Variants in AUTS2 observed in about 807,000 individuals in gnomAD.
AUTS2 encodes the protein activator of transcription and developmental regulator AUTS2.
A neutral mutation model predicts 112.4 loss-of-function variants in AUTS2; 17 were observed. The ratio of observed to expected loss-of-function variants is 0.15; its 90% CI spans 0.10 to 0.23. The LOEUF (loss-of-function observed/expected upper bound fraction) is 0.23, where lower values mean the gene tolerates loss of function less well. Ranked by LOEUF, AUTS2 falls within the 10% of genes least tolerant of loss-of-function variation. The pLI is 1.00. For synonymous variants in AUTS2, 751 were observed against 702.7 expected (o/e 1.07, Z -1.09); for missense variants, 1,510 against 1,701.6 (o/e 0.89, Z 1.98).
chr7:70,245,263 C>T (rs1010949988), intron 4 of AUTS2, among the ~76,000 whole-genome samples: 1 of 151,160 alleles, frequency 6.6e-6, no homozygotes, highest in African/African-American at 2.4e-5. Flanking sequence ...TAACTTTATT[C>T]ATGCAGGTAA....
intron 1 of AUTS2, among the ~76,000 whole-genome samples, chr7:69,800,391 A>T (rs1178865149): frequency 1.3e-5 from 2 of 152,184 alleles, no homozygotes; most frequent in African/African-American, 2.4e-5. Flanking sequence ...GGTAATACCT[A>T]TGATTATTTC....
At chr7:69,792,049 G>C (rs1211024575) in intron 1 of AUTS2, among the ~76,000 whole-genome samples, 2 of 152,026 alleles carry the variant, frequency 1.3e-5, no homozygotes, top group South Asian at 4.2e-4. Flanking sequence ...AGGGTGAGGG[G>C]TGTTCTTTAA....
At position 69,684,782 on chromosome 7, in the gene AUTS2, AGT is replaced by A. The variant is rs967093848; in HGVS notation, c.309+84825_309+84826del. On this transcript the variant is annotated intron_variant, in intron 1 of 18. Coordinates refer to ENST00000342771, the MANE Select transcript of AUTS2 (RefSeq NM_015570.4). Reference sequence around the variant, plus strand: ...TCTTAGAGACATTAGAGACAATGTTAGTGTGTCTGAGCCTCATTCCTTGTTTC... The same window carrying A: ...TCTTAGAGACATTAGAGACAATGTTAGTGTCTGAGCCTCATTCCTTGTTTC... Among the ~76,000 whole-genome samples, 18 of 152,336 alleles carry A rather than the reference AGT, an allele frequency of 1.2e-4. No homozygotes were observed. The East Asian group carries it at 2.9e-3, about 24-fold the overall frequency.
At chr7:70,744,811 C>T (rs1284031499) in intron 6 of AUTS2, among the ~76,000 whole-genome samples, 1 of 152,120 alleles carries the variant, frequency 6.6e-6, no homozygotes, top group African/African-American at 2.4e-5. Context: ...CTGCTTTCCT[C>T]CCACGGGAGG....
At chr7:70,286,112 T>C (rs1355871925) in intron 4 of AUTS2, among the ~76,000 whole-genome samples, 3 of 152,134 alleles carry the variant, frequency 2.0e-5, no homozygotes, top group African/African-American at 7.2e-5. Flanking sequence ...CTTGTTTCAG[T>C]GGTGCAATAG....
intron 16 of AUTS2, chr7:70,785,446 C>T (rs575366825): frequency 2.5e-5 from 12 of 475,054 alleles, no homozygotes; most frequent in Non-Finnish European, 4.2e-5. Flanking sequence ...CTCACTGCCC[C>T]GATAAATGAG....
chr7:70,637,553 A>C (rs1156733139), intron 5 of AUTS2, among the ~76,000 whole-genome samples: 1 of 152,208 alleles, frequency 6.6e-6, no homozygotes, highest in Non-Finnish European at 1.5e-5. Flanking sequence ...CATTTTGGGC[A>C]AGTCGAAGAG....
At chr7:70,742,160 A>G (rs1055137408) in intron 6 of AUTS2, among the ~76,000 whole-genome samples, 1 of 152,330 alleles carries the variant, frequency 6.6e-6, no homozygotes. Context: ...GTATATAAGG[A>G]TACATAAATT....
At chr7:70,036,638 A>G (rs913717068) in intron 2 of AUTS2, among the ~76,000 whole-genome samples, 1 of 152,218 alleles carries the variant, frequency 6.6e-6, no homozygotes, top group Non-Finnish European at 1.5e-5. Flanking sequence ...TAAGAGCAGA[A>G]ATAACAGCTA....
intron 2 of AUTS2, among the ~76,000 whole-genome samples, chr7:70,044,371 TC>T (rs1801406636): frequency 6.6e-6 from 1 of 152,238 alleles, no homozygotes; most frequent in South Asian, 2.1e-4. Context: ...TTGTTCTTTT[TC>T]CCTGGAAATT....
intron 2 of AUTS2, among the ~76,000 whole-genome samples, chr7:70,038,878 C>T (rs1417065239): frequency 6.6e-6 from 1 of 152,114 alleles, no homozygotes; most frequent in African/African-American, 2.4e-5. Flanking sequence ...CCTGTCTCAG[C>T]CTCCCAGGTA....
chr7:69,810,437 A>G (rs1227256734), intron 1 of AUTS2, among the ~76,000 whole-genome samples: 2 of 151,996 alleles, frequency 1.3e-5, no homozygotes, highest in African/African-American at 4.8e-5. Flanking sequence ...TGCTATATTG[A>G]TGTATGGAAA....
chr7:69,688,745 G>C (rs150666682), intron 1 of AUTS2, among the ~76,000 whole-genome samples: 207 of 152,246 alleles, frequency 1.4e-3, no homozygotes, highest in Non-Finnish European at 2.5e-3. Flanking sequence ...TTTAGCTGTA[G>C]TTTTGTATCC....
chr7:69,836,068 A>C (rs978582213), intron 1 of AUTS2, among the ~76,000 whole-genome samples: 1 of 152,228 alleles, frequency 6.6e-6, no homozygotes, highest in African/African-American at 2.4e-5. Flanking sequence ...AAGCCTTACA[A>C]AATTATGTGC....
At chr7:70,464,383 C>T (rs892202864) in intron 5 of AUTS2, among the ~76,000 whole-genome samples, 2 of 152,188 alleles carry the variant, frequency 1.3e-5, no homozygotes, top group African/African-American at 2.4e-5. Context: ...TGTGATAAAC[C>T]GTGGCATTTG....
intron 2 of AUTS2, among the ~76,000 whole-genome samples, chr7:70,054,605 G>C (rs1162327488): frequency 6.6e-6 from 1 of 152,122 alleles, no homozygotes; most frequent in Non-Finnish European, 1.5e-5. Context: ...TTTCTGACAA[G>C]ATGGTTTTGG....
chr7:70,430,784 T>A (rs943390792), intron 4 of AUTS2, among the ~76,000 whole-genome samples: 25 of 151,892 alleles, frequency 1.6e-4, no homozygotes, highest in African/African-American at 5.3e-4. Flanking sequence ...GGGAATTTTT[T>A]AATTAGATTA....
intron 1 of AUTS2, among the ~76,000 whole-genome samples, chr7:69,653,460 C>T (rs1023792063): frequency 6.6e-6 from 1 of 152,128 alleles, no homozygotes; most frequent in African/African-American, 2.4e-5. Context: ...TGTTCTCTTC[C>T]TGTATAGCAC....
At chr7:70,336,685 C>T (rs933184770) in intron 4 of AUTS2, among the ~76,000 whole-genome samples, 1 of 152,064 alleles carries the variant, frequency 6.6e-6, no homozygotes, top group Non-Finnish European at 1.5e-5. Flanking sequence ...CTAAGAATAT[C>T]TTTAACAGAG....
Sources: gnomAD v4.1 joint callset for allele counts (sites outside exome capture counted in the v4.1 genomes callset) on GRCh38, gnomAD v4.1.1 for gene constraint, MANE v1.5 for transcripts, NCBI Gene and HGNC (gene_info 2026-07-23, HGNC 2026-07-21) for gene names.